The following WRAP73 variants were observed in gnomAD, a reference collection of about 807,000 sequenced individuals.
WRAP73 encodes the protein WD repeat containing, antisense to TP73, also known as WD repeat-containing protein WRAP73.
WRAP73 carries 55 observed loss-of-function variants against 59.6 expected under a neutral mutation model. That is an observed-to-expected ratio of 0.92 (90% confidence interval 0.74 to 1.15). The LOEUF (loss-of-function observed/expected upper bound fraction) is 1.15. Ranked by LOEUF, WRAP73 falls within the 50% of genes most tolerant of loss-of-function variation. The pLI is 0.00. For missense variants in WRAP73, 592 were observed against 608.1 expected (o/e 0.97, Z 0.28); for synonymous variants, 265 against 258.2 (o/e 1.03, Z -0.25).
In WRAP73 at chr1:3,630,923, C is replaced by T. The variant is rs1350837460; in HGVS notation, c.*52G>A. On this transcript the variant is annotated 3_prime_UTR_variant, in exon 12 of 12. Coordinates refer to ENST00000270708, the MANE Select transcript of WRAP73 (RefSeq NM_017818.4). ...CTCCTGGTGAAGCTGTGTTTTTTCC[C>T]ACACTGGAAACACAGAGTAGCCCTG... 6.4e-7 allele frequency: 1 copy of T among 1,567,690 alleles called. No homozygotes were observed. The highest frequency in any genetic ancestry group is 8.7e-7 in the Non-Finnish European group (1 of 1,153,570).
At chr1:3,633,312 A>T in intron 9 of WRAP73, 86 bp downstream of exon 9, 4 of 1,309,464 alleles carry the variant, frequency 3.1e-6, no homozygotes, top group Non-Finnish European at 4.4e-6. Flanking sequence ...TTTTTTTTAA[A>T]CATAAGGAAC....
chr1:3,635,280 C>A lies in WRAP73; in HGVS notation c.618G>T (p.Leu206=). The change falls in exon 7 of 12, where the codon CTG becomes CTT. Residue 206 remains leucine (L), a synonymous_variant. Coordinates refer to ENST00000270708, the MANE Select transcript of WRAP73 (RefSeq NM_017818.4). Reference sequence around the variant, plus strand: ...ACAACAACCGGCCATCCAATGAGTACAGCAGAATCTTGTACTGCAGATGAG... The same window carrying A: ...ACAACAACCGGCCATCCAATGAGTAAAGCAGAATCTTGTACTGCAGATGAG... ...WDTCLEYKIL[L]YSLDGRLLST... 6.2e-7 allele frequency: 1 copy of A among 1,613,934 alleles called. No homozygotes were observed. Among genetic ancestry groups the A allele is most frequent in the Non-Finnish European group, 8.5e-7 (1 of 1,180,038 alleles).
chr1:3,647,612 G>A (rs189376737), intron 1 of WRAP73, 52 bp from the exon 2 acceptor site: 4 of 1,586,456 alleles, frequency 2.5e-6, no homozygotes, highest in African/African-American at 2.7e-5. Flanking sequence ...CAAAAGAGGG[G>A]GGCCTTCGGA....
At position 3,634,997 on chromosome 1, in the gene WRAP73, T is replaced by C; in HGVS notation, c.816A>G (p.Ile272Met). 4 of 1,614,178 alleles carry C rather than the reference T, an allele frequency of 2.5e-6. No homozygotes were observed. Among genetic ancestry groups the C allele is most frequent in the Non-Finnish European group, 3.4e-6 (4 of 1,180,028 alleles). ...GCAGAAACACGTGTTCCAGACTTAC[T>C]ATCTTGGGATCATTAATGGCTGCAG... Reference protein sequence around the residue: ...GHPAAINDPKIVVYKEAEKSP... With the variant: ...GHPAAINDPKMVVYKEAEKSP... Residue 272 changes from isoleucine to methionine, a missense_variant and splice_region_variant, in exon 8 of 12, where the codon ATA becomes ATG. Ile to Met is a conservative substitution (Grantham distance 10, BLOSUM62 1). Coordinates refer to ENST00000270708, the MANE Select transcript of WRAP73 (RefSeq NM_017818.4).
chr1:3,631,208 G>C, intron 11 of WRAP73, 91 bp from the exon 12 acceptor site: 9 of 1,568,278 alleles, frequency 5.7e-6, no homozygotes, highest in Non-Finnish European at 7.8e-6. Flanking sequence ...CCAGCACAGT[G>C]CCTGGAGTGA....
intron 5 of WRAP73, 117 bp downstream of exon 5, chr1:3,636,878 C>T (rs764475855): frequency 3.8e-5 from 41 of 1,092,074 alleles, no homozygotes; most frequent in Admixed American, 2.2e-4. Flanking sequence ...TTTGTTAATA[C>T]AACATCACCT....
At chr1:3,647,638 C>A in intron 1 of WRAP73, 78 bp from the exon 2 acceptor site, 1 of 1,503,196 alleles carries the variant, frequency 6.7e-7, no homozygotes, top group South Asian at 1.3e-5. Context: ...ACTGCCCTGG[C>A]CTTCAGTGAC....
chr1:3,641,923 G>A (rs1166295004), intron 3 of WRAP73, among the ~76,000 whole-genome samples: 3 of 152,126 alleles, frequency 2.0e-5, no homozygotes, highest in Admixed American at 6.5e-5. Flanking sequence ...GCATTCGTAC[G>A]GGATAAATCA....
intron 3 of WRAP73, among the ~76,000 whole-genome samples, chr1:3,643,620 G>A (rs1307657809): frequency 4.2e-5 from 6 of 143,666 alleles, no homozygotes; most frequent in African/African-American, 1.5e-4. Context: ...GCCCCGCTGA[G>A]CCCCGGACAT....
At chr1:3,632,469 C>T (rs1644546225) in intron 9 of WRAP73, 131 bp from the exon 10 acceptor site, 3 of 1,460,814 alleles carry the variant, frequency 2.1e-6, no homozygotes, top group African/African-American at 2.8e-5. Flanking sequence ...AAAGTGCGGC[C>T]CAAGGGCAGG....
rs756308224 is a variant in WRAP73, at chr1:3,631,127, GAC to G, written c.1241-12_1241-11del. ...AGCACTGCAAAGTCGCCTAGAGAGAGACAGGTGGCCAGAGGATTACAGCAGGG... is the reference window on the plus strand; with the variant it reads ...AGCACTGCAAAGTCGCCTAGAGAGAGAGGTGGCCAGAGGATTACAGCAGGG... On this transcript the variant is annotated splice_polypyrimidine_tract_variant and intron_variant, in intron 11 of 11. Coordinates refer to ENST00000270708, the MANE Select transcript of WRAP73 (RefSeq NM_017818.4). 5.0e-6 allele frequency: 8 copies of G among 1,613,106 alleles called. No individual in the cohort carries two copies. The African/African-American group carries it at 5.3e-5, about 11-fold the overall frequency.
At chr1:3,633,627 T>C in intron 8 of WRAP73, 124 bp from the exon 9 acceptor site, 1 of 739,444 alleles carries the variant, frequency 1.4e-6, no homozygotes, top group Non-Finnish European at 2.2e-6. Flanking sequence ...CTGGTCCTGC[T>C]GCCACCGGGA....
chr1:3,631,191 C>G, intron 11 of WRAP73, 74 bp from the exon 12 acceptor site: 2 of 1,596,622 alleles, frequency 1.3e-6, no homozygotes, highest in Non-Finnish European at 1.7e-6. Flanking sequence ...CCCCCTTGTC[C>G]TGCAGGCCAG....
rs201814493 is a variant in WRAP73, at chr1:3,636,049, G to C, written c.517-19C>G. 6.3e-7 allele frequency: 1 copy of C among 1,590,798 alleles called. No homozygotes were observed. Among genetic ancestry groups the C allele is most frequent in the Non-Finnish European group, 8.6e-7 (1 of 1,161,146 alleles). On this transcript the variant is annotated intron_variant, in intron 5 of 11. Transcript: ENST00000270708. Reference sequence around the variant, plus strand: ...CAAAATGCTTCCAAAGGAAGGGGGGGAAACATTAAATTTGGAAAATATTTT... The same window carrying C: ...CAAAATGCTTCCAAAGGAAGGGGGGCAAACATTAAATTTGGAAAATATTTT...
rs758113086 is a variant in WRAP73 at position 3,647,461 on chromosome 1, A to G, written c.169T>C (p.Ser57Pro). ...CLDQIQHIEW[S>P]ADSLFILCAM... ...CACAGGATGAAGAGCGAGTCTGCCG[A>G]CCACTCGATGTGCTGGATCTGGTCT... is the stretch of plus-strand genomic sequence containing the variant. The change falls in exon 2 of 12, where the codon TCG (serine) becomes CCG (proline). Residue 57 changes from serine (S) to proline (P), a missense_variant. By Grantham distance (74) the Ser-to-Pro change is moderately conservative (BLOSUM62 -1). Transcript: ENST00000270708. 3 of 1,613,950 alleles carry G rather than the reference A, an allele frequency of 1.9e-6. No individual in the cohort carries two copies. The highest frequency in any genetic ancestry group is 1.7e-6 in the Non-Finnish European group (2 of 1,179,940).
chr1:3,642,520 A>G (rs1644656003), intron 3 of WRAP73, among the ~76,000 whole-genome samples: 1 of 152,038 alleles, frequency 6.6e-6, no homozygotes, highest in Non-Finnish European at 1.5e-5. Flanking sequence ...AGGCAGATCA[A>G]CTGAGGTCGA....
chr1:3,649,884 C>G, intron 1 of WRAP73, 47 bp downstream of exon 1: 1 of 1,559,750 alleles, frequency 6.4e-7, no homozygotes, highest in Non-Finnish European at 8.7e-7. Context: ...GCCGGGGACG[C>G]TGGCACCGAG....
In WRAP73 at chr1:3,633,788, C is replaced by A. The variant is rs1214011548; in HGVS notation, c.817-285G>T. On this transcript the variant is annotated intron_variant, in intron 8 of 11. Transcript: ENST00000270708. ...GGAGACCACTGCAGCCACCATCATC[C>A]AGCAAGGGAGTGGGCTCAGCCTTCC... The A allele has an allele frequency of 4.9e-5, 18 of 368,734 alleles. 1 individual carries two copies. The South Asian group carries it at 8.2e-4, about 17-fold the overall frequency. The allele number at this position is 368,734 out of a possible 1,614,324, so 22.8% of individuals were successfully genotyped here.
At chr1:3,635,856 T>G in intron 6 of WRAP73, 88 bp downstream of exon 6, 1 of 1,159,792 alleles carries the variant, frequency 8.6e-7, no homozygotes, top group Non-Finnish European at 1.3e-6. Flanking sequence ...TGAAATAAGA[T>G]AAAGCAAACT....
Sources: allele counts gnomAD v4.1 joint callset (sites outside exome capture counted in the v4.1 genomes callset), GRCh38; gene constraint gnomAD v4.1.1; transcripts MANE v1.5; gene names NCBI Gene and HGNC (gene_info 2026-07-23, HGNC 2026-07-21).